SYT16: variants seen among roughly 807,000 people sequenced by gnomAD.
SYT16 encodes the protein synaptotagmin 16.
A neutral mutation model predicts 61.4 loss-of-function variants in SYT16; 42 were observed. The ratio of observed to expected loss-of-function variants is 0.68; its 90% CI spans 0.53 to 0.89. SYT16 has a LOEUF of 0.89. Ranked by LOEUF, SYT16 falls within the 40% of genes least tolerant of loss-of-function variation. The pLI is 0.00. For synonymous variants in SYT16, 314 were observed against 302.3 expected (o/e 1.04, Z -0.40); for missense variants, 804 against 807.3 (o/e 1.00, Z 0.05).
intron 1 of SYT16, among the ~76,000 whole-genome samples, chr14:61,829,889 C>T (rs867506536): frequency 3.3e-5 from 5 of 152,084 alleles, no homozygotes; most frequent in African/African-American, 4.8e-5. Context: ...CTCCTGACCT[C>T]GTGATCCACC....
intron 1 of SYT16, among the ~76,000 whole-genome samples, chr14:61,918,253 G>A (rs1225829920): frequency 6.6e-6 from 1 of 152,150 alleles, no homozygotes; most frequent in Non-Finnish European, 1.5e-5. Flanking sequence ...TCATTATCCA[G>A]TGTCCTGATT....
chr14:62,058,871 C>T (rs191326976), intron 3 of SYT16, among the ~76,000 whole-genome samples: 34 of 152,148 alleles, frequency 2.2e-4, no homozygotes, highest in Admixed American at 4.6e-4. Context: ...ATATATGCAC[C>T]GTGGAATATT....
intron 3 of SYT16, among the ~76,000 whole-genome samples, chr14:62,018,349 C>A (rs1241347769): frequency 1.6e-5 from 2 of 123,420 alleles, no homozygotes; most frequent in African/African-American, 6.1e-5. Context: ...CTCTTGTTAC[C>A]CAGGCTGGAG....
At chr14:61,986,259 T>A (rs755734805) in intron 2 of SYT16, among the ~76,000 whole-genome samples, 5 of 151,846 alleles carry the variant, frequency 3.3e-5, no homozygotes, top group Non-Finnish European at 7.4e-5. Context: ...ATATAGAAAA[T>A]ACAGAAGTAA....
chr14:62,046,746 C>G (rs1354023452), intron 3 of SYT16, among the ~76,000 whole-genome samples: 1 of 152,100 alleles, frequency 6.6e-6, no homozygotes, highest in Non-Finnish European at 1.5e-5. Flanking sequence ...TCAAGTTTGT[C>G]AAAGATCAGA....
chr14:61,895,058 G>A (rs999283761), intron 1 of SYT16, among the ~76,000 whole-genome samples: 1 of 152,084 alleles, frequency 6.6e-6, no homozygotes, highest in Non-Finnish European at 1.5e-5. Flanking sequence ...GTGCAGAACG[G>A]CAGAAACAAC....
chr14:62,028,263 G>A (rs2140790880), intron 3 of SYT16, among the ~76,000 whole-genome samples: 1 of 152,352 alleles, frequency 6.6e-6, no homozygotes, highest in South Asian at 2.1e-4. Context: ...GTATTGGACA[G>A]TGTTGTGGTT....
intron 3 of SYT16, among the ~76,000 whole-genome samples, chr14:62,028,426 A>G (rs1337149068): frequency 6.6e-6 from 1 of 152,212 alleles, no homozygotes; most frequent in Non-Finnish European, 1.5e-5. Flanking sequence ...TGAGGCACAG[A>G]GCATTTAAAC....
intron 3 of SYT16, among the ~76,000 whole-genome samples, chr14:62,032,227 C>G (rs1432513153): frequency 1.3e-5 from 2 of 152,092 alleles, no homozygotes; most frequent in Admixed American, 6.6e-5. Flanking sequence ...TGATTGCTAG[C>G]ACCTGAACAT....
At chr14:61,971,277 A>G (rs1028859087) in intron 2 of SYT16, among the ~76,000 whole-genome samples, 2 of 152,200 alleles carry the variant, frequency 1.3e-5, no homozygotes, top group African/African-American at 4.8e-5. Flanking sequence ...TCATTATCTA[A>G]CAGTTCTTGA....
At chr14:62,088,103 T>TA (rs2056948953) in intron 7 of SYT16, among the ~76,000 whole-genome samples, 1 of 152,174 alleles carries the variant, frequency 6.6e-6, no homozygotes, top group Non-Finnish European at 1.5e-5. Context: ...ATCTAGCAGT[T>TA]ACGTTCTTGG....
intron 2 of SYT16, among the ~76,000 whole-genome samples, chr14:61,980,699 A>C (rs1595073206): frequency 1.3e-5 from 2 of 152,336 alleles, no homozygotes; most frequent in South Asian, 4.1e-4. Context: ...CTTAGAAATT[A>C]CATGCTTTTG....
chr14:61,923,048 C>CAA (rs140168317), intron 1 of SYT16, among the ~76,000 whole-genome samples: 80 of 95,464 alleles, frequency 8.4e-4, no homozygotes, highest in Admixed American at 2.8e-3. Flanking sequence ...GACTCTGTCT[C>CAA]AAAAAAAAAA....
intron 1 of SYT16, among the ~76,000 whole-genome samples, chr14:61,847,223 G>T (rs1482096665): frequency 2.6e-5 from 4 of 152,130 alleles, no homozygotes; most frequent in East Asian, 1.9e-4. Context: ...AGCATTTCTT[G>T]TTGGACAGGT....
intron 7 of SYT16, among the ~76,000 whole-genome samples, chr14:62,098,154 A>G (rs887503750): frequency 5.3e-5 from 8 of 152,250 alleles, no homozygotes; most frequent in Admixed American, 2.6e-4. Flanking sequence ...TTTGTTTCCT[A>G]TCTTACAATG....
chr14:61,889,419 A>G lies in SYT16; in HGVS notation c.-325+76609A>G, dbSNP rs924620971. Among the ~76,000 whole-genome samples, 7 of 152,120 alleles carry G rather than the reference A, an allele frequency of 4.6e-5. No individual in the cohort carries two copies. In the South Asian group the frequency reaches 1.2e-3, roughly 27 times the overall value. On this transcript the variant is annotated intron_variant, in intron 1 of 7. Transcript: ENST00000683842. ...AACCTCATGTTGAAATCTGATTTCAATGTTGGAGGTGGGGCTGTAATGGGA... is the reference window on the plus strand; with the variant it reads ...AACCTCATGTTGAAATCTGATTTCAGTGTTGGAGGTGGGGCTGTAATGGGA...
intron 2 of SYT16, among the ~76,000 whole-genome samples, chr14:61,974,945 A>G (rs1034036811): frequency 6.6e-6 from 1 of 152,228 alleles, no homozygotes; most frequent in Admixed American, 6.5e-5. Context: ...ACCTGCAACT[A>G]AACAGATACC....
At chr14:61,828,654 AAAG>A (rs1199190063) in intron 1 of SYT16, among the ~76,000 whole-genome samples, 3 of 152,226 alleles carry the variant, frequency 2.0e-5, no homozygotes, top group Non-Finnish European at 4.4e-5. Context: ...TAGAAATGGA[AAAG>A]AAGAAAAACA....
At chr14:61,981,854 A>C (rs2052092964) in intron 2 of SYT16, among the ~76,000 whole-genome samples, 1 of 152,162 alleles carries the variant, frequency 6.6e-6, no homozygotes, top group South Asian at 2.1e-4. Flanking sequence ...GAGTTTCCTT[A>C]GAAACAGATT....
Sources: gnomAD v4.1 joint callset for allele counts (sites outside exome capture counted in the v4.1 genomes callset) on GRCh38, gnomAD v4.1.1 for gene constraint, MANE v1.5 for transcripts, NCBI Gene and HGNC (gene_info 2026-07-23, HGNC 2026-07-21) for gene names.